SCN2B: variants seen among roughly 807,000 people sequenced by gnomAD.
SCN2B encodes the protein sodium channel regulatory subunit beta-2.
A neutral mutation model predicts 18.2 loss-of-function variants in SCN2B; 14 were observed. That is an observed-to-expected ratio of 0.77 (90% CI 0.51 to 1.21). The LOEUF (loss-of-function observed/expected upper bound fraction) is 1.21. Among genes scored for constraint, SCN2B ranks in the 50% most tolerant of loss-of-function variants. SCN2B has a pLI of 0.00. For missense variants in SCN2B, 262 were observed against 286.9 expected (o/e 0.91, Z 0.63); for synonymous variants, 115 against 115.3 (o/e 1.00, Z 0.02).
At chr11:118,174,419 C>A (rs1034651861) in intron 1 of SCN2B, among the ~76,000 whole-genome samples, 4 of 152,110 alleles carry the variant, frequency 2.6e-5, no homozygotes, top group African/African-American at 9.7e-5. Flanking sequence ...CCTGCCCTTT[C>A]TCTTTGCCAC....
chr11:118,174,711 G>C (rs1591446974), intron 1 of SCN2B, among the ~76,000 whole-genome samples: 1 of 152,118 alleles, frequency 6.6e-6, no homozygotes, highest in Non-Finnish European at 1.5e-5. Flanking sequence ...CTTCATCGCA[G>C]ACTCCCTCTT....
At chr11:118,175,613 T>C (rs1045893051) in intron 1 of SCN2B, among the ~76,000 whole-genome samples, 1 of 152,230 alleles carries the variant, frequency 6.6e-6, no homozygotes, top group Admixed American at 6.5e-5. Flanking sequence ...AGTGGTCAAA[T>C]ACAAACACTT....
At chr11:118,171,559 C>T (rs988510940) in intron 1 of SCN2B, among the ~76,000 whole-genome samples, 8 of 152,212 alleles carry the variant, frequency 5.3e-5, no homozygotes, top group Admixed American at 6.5e-5. Flanking sequence ...CTGCGAAGCC[C>T]GGCGGACTCT....
chr11:118,170,996 C>A lies in SCN2B; in HGVS notation c.71-2245G>T, dbSNP rs769317981. On this transcript the variant is annotated intron_variant, in intron 1 of 3. Coordinates refer to ENST00000278947, the MANE Select transcript of SCN2B (RefSeq NM_004588.5). ...TTTCTTCACAAAGCCGTAGAAGCAG[C>A]CGCCCTGCAGCCTGCAGGGAAATCA... Among the ~76,000 whole-genome samples the A allele has an allele frequency of 2.0e-5, 3 of 152,060 alleles. No homozygotes were observed. The South Asian group carries it at 6.2e-4, about 31-fold the overall frequency.
At position 118,170,677 on chromosome 11, in the gene SCN2B, C is replaced by T. The variant is rs527415355; in HGVS notation, c.71-1926G>A. Among the ~76,000 whole-genome samples, 5 of 152,284 alleles carry T rather than the reference C, an allele frequency of 3.3e-5. No individual in the cohort carries two copies. In the South Asian group the frequency reaches 1.0e-3, roughly 32 times the overall value. On this transcript the variant is annotated intron_variant, in intron 1 of 3. Coordinates refer to ENST00000278947, the MANE Select transcript of SCN2B (RefSeq NM_004588.5). ...ATGAGACTAGACTTGGGTTCAATCC[C>T]AGCTCCAGCATCAGAAGCTGGAAGA...
intron 3 of SCN2B, among the ~76,000 whole-genome samples, chr11:118,167,578 A>G (rs1421373345): frequency 6.6e-6 from 1 of 152,198 alleles, no homozygotes; most frequent in Non-Finnish European, 1.5e-5. Context: ...GTCATTTGAA[A>G]CAGGGTCTTG....
intron 1 of SCN2B, among the ~76,000 whole-genome samples, chr11:118,174,324 A>C (rs1716272557): frequency 6.6e-6 from 1 of 151,396 alleles, no homozygotes; most frequent in Non-Finnish European, 1.5e-5. Flanking sequence ...TCTCAAGAAA[A>C]ACTTGAGGGA....
At position 118,168,810 on chromosome 11, in the gene SCN2B, GC is replaced by G; in HGVS notation, c.71-60del. 2.5e-6 allele frequency: 4 copies of G among 1,592,984 alleles called. No individual in the cohort carries two copies. The highest frequency in any genetic ancestry group is 2.6e-6 in the Non-Finnish European group (3 of 1,162,180). Reference sequence around the variant, plus strand: ...GGCTGAAAGGGCTGGGGAGGGGCAAGCCCTCTGTGCCTGGGAGTGTTGGGGG... The same window carrying G: ...GGCTGAAAGGGCTGGGGAGGGGCAAGCCTCTGTGCCTGGGAGTGTTGGGGG... On this transcript the variant is annotated intron_variant, in intron 1 of 3. Coordinates refer to ENST00000278947, the MANE Select transcript of SCN2B (RefSeq NM_004588.5). The surrounding 1 kb of genome is among the most constrained non-coding windows in gnomAD (Gnocchi z 4.7).
intron 1 of SCN2B, among the ~76,000 whole-genome samples, chr11:118,169,154 G>A (rs1591445110): frequency 6.6e-6 from 1 of 152,144 alleles, no homozygotes; most frequent in Admixed American, 6.5e-5. Flanking sequence ...GGTCTTTGGG[G>A]CAAAGCGGGG....
intron 1 of SCN2B, among the ~76,000 whole-genome samples, chr11:118,175,846 C>T (rs1336518356): frequency 6.6e-6 from 1 of 152,182 alleles, no homozygotes; most frequent in Non-Finnish European, 1.5e-5. Flanking sequence ...CCCACCTACT[C>T]CCACACACGT....
Position 118,168,311 on chromosome 11 carries a change from G to C in SCN2B, c.238-16C>G. The C allele has an allele frequency of 6.2e-7, 1 of 1,606,802 alleles. No individual in the cohort carries two copies. Among genetic ancestry groups the C allele is most frequent in the Admixed American group, 1.7e-5 (1 of 60,020 alleles). On this transcript the variant is annotated splice_polypyrimidine_tract_variant and intron_variant, in intron 2 of 3. Coordinates refer to ENST00000278947, the MANE Select transcript of SCN2B (RefSeq NM_004588.5). The surrounding 1 kb of genome is among the most constrained non-coding windows in gnomAD (Gnocchi z 4.7). Reference sequence around the variant, plus strand: ...ACTGGAGGAACTGGGGTTGGAGCAAGGGACAGGATGGGTGGCTGGATGAGC... The same window carrying C: ...ACTGGAGGAACTGGGGTTGGAGCAACGGACAGGATGGGTGGCTGGATGAGC...
At chr11:118,167,911 T>C (rs1199454611) in intron 3 of SCN2B, among the ~76,000 whole-genome samples, 174 bp downstream of exon 3, 1 of 152,214 alleles carries the variant, frequency 6.6e-6, no homozygotes, top group Non-Finnish European at 1.5e-5. Flanking sequence ...CTCTGGGACA[T>C]GTTCCCAGGT....
Position 118,168,903 on chromosome 11 carries a change from G to A in SCN2B, c.71-152C>T. ...ACAGCTCCAGTTAATCAGGAGGTGGGAGTTACTGTTATTTGCAACAGGGTC... is the reference window on the plus strand; with the variant it reads ...ACAGCTCCAGTTAATCAGGAGGTGGAAGTTACTGTTATTTGCAACAGGGTC... On this transcript the variant is annotated intron_variant, in intron 1 of 3. Coordinates refer to ENST00000278947, the MANE Select transcript of SCN2B (RefSeq NM_004588.5). This position sits in a 1 kb window ranked among gnomAD's most constrained non-coding sequence, Gnocchi z 4.7. 1.2e-6 allele frequency: 1 copy of A among 832,368 alleles called. No homozygotes were observed. The highest frequency in any genetic ancestry group is 2.6e-5 in the East Asian group (1 of 38,928). 51.6% of individuals were successfully genotyped at this position (832,368 alleles called of 1,614,324 possible). A position where few individuals can be genotyped will look rare whatever the true frequency, so the allele number is the denominator to read the frequency against.
In SCN2B at chr11:118,163,184, T is replaced by C. The variant is rs1462516420; in HGVS notation, c.*3703A>G. 6.6e-6 allele frequency: 1 copy of C among 152,512 alleles called. No homozygotes were observed. Among genetic ancestry groups the C allele is most frequent in the Non-Finnish European group, 1.5e-5 (1 of 68,026 alleles). 9.4% of individuals were successfully genotyped at this position (152,512 alleles called of 1,614,324 possible). ...TATATCTATACCTAGAGAGAGAGAC[T>C]ATGTACAGTGCATCAGCAAGCTTCA... On this transcript the variant is annotated 3_prime_UTR_variant, in exon 4 of 4. Transcript: ENST00000278947.
At position 118,168,436 on chromosome 11, in the gene SCN2B, C is replaced by T; in HGVS notation, c.238-141G>A. 7.8e-7 allele frequency: 1 copy of T among 1,281,570 alleles called. No homozygotes were observed. The highest frequency in any genetic ancestry group is 1.1e-6 in the Non-Finnish European group (1 of 880,696). The allele number at this position is 1,281,570 out of a possible 1,614,324, so 79.4% of individuals were successfully genotyped here. A position where few individuals can be genotyped will look rare whatever the true frequency, so the allele number is the denominator to read the frequency against. ...CTGTGAGGCACCTGGATGCGCAGCA[C>T]ACCTTGTTTCAAGAGCCTCCAGAGC... On this transcript the variant is annotated intron_variant, in intron 2 of 3. Coordinates refer to ENST00000278947, the MANE Select transcript of SCN2B (RefSeq NM_004588.5). This position sits in a 1 kb window ranked among gnomAD's most constrained non-coding sequence, Gnocchi z 4.7.
At position 118,168,293 on chromosome 11, in the gene SCN2B, G is replaced by A; in HGVS notation, c.240C>T (p.Phe80=). Residue 80 remains phenylalanine, a splice_region_variant and synonymous_variant, in exon 3 of 4, where the codon TTC becomes TTT. Transcript: ENST00000278947. This position sits in a 1 kb window ranked among gnomAD's most constrained non-coding sequence, Gnocchi z 4.7. ...TAATGATCTTCATGCGGAACTGGAG[G>A]AACTGGGGTTGGAGCAAGGGACAGG... The part of the protein sequence containing the change: ...QECNNCSEEM[F]LQFRMKIINL... 1 of 1,614,028 alleles carries A rather than the reference G, an allele frequency of 6.2e-7. No homozygotes were observed. Among genetic ancestry groups the A allele is most frequent in the Non-Finnish European group, 8.5e-7 (1 of 1,179,916 alleles).
Position 118,166,695 on chromosome 11 carries a change from T to C in SCN2B, c.*192A>G, listed in dbSNP as rs995993987. On this transcript the variant is annotated 3_prime_UTR_variant, in exon 4 of 4. Transcript: ENST00000278947. ...CCCACACGTCCCAGAGCATGGCAGG[T>C]TTCTCGGATGGAAGAGAGTGGGTCA... The C allele has an allele frequency of 3.0e-6, 2 of 658,292 alleles. No homozygotes were observed. The highest frequency in any genetic ancestry group is 4.8e-5 in the Admixed American group (2 of 41,836). 40.8% of individuals were successfully genotyped at this position (658,292 alleles called of 1,614,324 possible). A position where few individuals can be genotyped will look rare whatever the true frequency, so the allele number is the denominator to read the frequency against.
In SCN2B at chr11:118,175,800, T is replaced by C. The variant is rs189386296; in HGVS notation, c.70+562A>G. ...CCATCAGTGCGTGCCTCAGCAGGTC[T>C]CCTCCCAACCCAGACATCATTCCCC... is the stretch of plus-strand genomic sequence containing the variant. On this transcript the variant is annotated intron_variant, in intron 1 of 3. Transcript: ENST00000278947. Among the ~76,000 whole-genome samples, 351 of 152,128 alleles carry C rather than the reference T, an allele frequency of 2.3e-3. 3 individuals are homozygous for C. The highest frequency in any genetic ancestry group is 0.019 in the Admixed American group (293 of 15,274).
In SCN2B at chr11:118,168,986, G is replaced by T. The variant is rs1223929468; in HGVS notation, c.71-235C>A. Among the ~76,000 whole-genome samples the T allele has an allele frequency of 6.6e-6, 1 of 152,140 alleles. No individual in the cohort carries two copies. The highest frequency in any genetic ancestry group is 1.5e-5 in the Non-Finnish European group (1 of 68,006). ...TCATGACTCACTGCAGCCTAGACCT[G>T]CTGGGCTCAGGTGATCCTCTCACCT... On this transcript the variant is annotated intron_variant, in intron 1 of 3. Coordinates refer to ENST00000278947, the MANE Select transcript of SCN2B (RefSeq NM_004588.5). This position sits in a 1 kb window ranked among gnomAD's most constrained non-coding sequence, Gnocchi z 4.7.
Sources: allele counts gnomAD v4.1 joint callset (sites outside exome capture counted in the v4.1 genomes callset), GRCh38; gene constraint gnomAD v4.1.1; non-coding constraint Gnocchi (gnomAD v3.1); transcripts MANE v1.5; gene names NCBI Gene and HGNC (gene_info 2026-07-23, HGNC 2026-07-21).